The following SORCS3 variants were observed in gnomAD, a reference collection of about 807,000 sequenced individuals.
The protein encoded by SORCS3 is sortilin related VPS10 domain containing receptor 3, also known as VPS10 domain-containing receptor SorCS3.
In SORCS3, 57 loss-of-function variants were observed where a neutral mutation model predicts 146.3. That is an observed-to-expected ratio of 0.39 (90% CI 0.31 to 0.49). SORCS3 has a LOEUF of 0.49. Among genes scored for constraint, SORCS3 ranks in the 20% least tolerant of loss-of-function variants. The probability of loss-of-function intolerance (pLI) is 0.92; values close to 1 mark genes in which losing one functional copy is unlikely to be tolerated. For synonymous variants in SORCS3, 653 were observed against 618.5 expected, an observed-to-expected ratio of 1.06 and a Z score of -0.83; for missense variants, 1,341 against 1,575.5, an observed-to-expected ratio of 0.85 and a Z score of 2.52.
chr10:105,065,776 G>A (rs533508462), intron 5 of SORCS3, among the ~76,000 whole-genome samples: 2 of 152,214 alleles, frequency 1.3e-5, no homozygotes, highest in South Asian at 2.1e-4. Context: ...TGGAGCATTT[G>A]TAAAAGAGGA....
rs767130321 is a variant in SORCS3, at chr10:105,256,836, A to C, written c.3355A>C (p.Ser1119Arg). ...TTTCCAAGCTCCATTGGTGGACTCC[A>C]GTGCTGGGCACAGCAGCTCAGCCAT... The part of the protein sequence containing the change: ...QLTLAPLVDS[S>R]AGHSSSAMLM... Residue 1119 changes from serine (S) to arginine (R), a missense_variant, in exon 25 of 27, where the codon AGT becomes CGT. Coordinates refer to ENST00000369701, the MANE Select transcript of SORCS3 (RefSeq NM_014978.3). The C allele has an allele frequency of 6.2e-7, 1 of 1,614,094 alleles. No individual in the cohort carries two copies. Among genetic ancestry groups the C allele is most frequent in the South Asian group, 1.1e-5 (1 of 91,070 alleles).
chr10:105,053,827 T>C (rs1287956259), intron 5 of SORCS3, among the ~76,000 whole-genome samples: 1 of 152,084 alleles, frequency 6.6e-6, no homozygotes, highest in Non-Finnish European at 1.5e-5. Flanking sequence ...GTAAACATTA[T>C]AATGTTGTTT....
chr10:104,776,890 AC>A (rs1317713488), intron 1 of SORCS3, among the ~76,000 whole-genome samples: 10 of 151,058 alleles, frequency 6.6e-5, no homozygotes, highest in African/African-American at 2.4e-4. Flanking sequence ...AAAAAAAAAA[AC>A]CTCACAAAGC....
intron 4 of SORCS3, among the ~76,000 whole-genome samples, chr10:105,002,201 G>A (rs573264707): frequency 6.6e-6 from 1 of 152,202 alleles, no homozygotes; most frequent in Admixed American, 6.5e-5. Flanking sequence ...AAAGAGTGTC[G>A]CAGGCTGGAG....
intron 2 of SORCS3, among the ~76,000 whole-genome samples, chr10:104,912,631 A>G (rs1168066131): frequency 4.6e-5 from 7 of 152,220 alleles, no homozygotes; most frequent in African/African-American, 1.7e-4. Flanking sequence ...AATCTCATTC[A>G]TCCATTCATT....
At chr10:104,683,448 A>C (rs559084938) in intron 1 of SORCS3, among the ~76,000 whole-genome samples, 2 of 152,236 alleles carry the variant, frequency 1.3e-5, no homozygotes, top group African/African-American at 2.4e-5. Context: ...TGGCCAGCTA[A>C]GACCTATCTG....
intron 1 of SORCS3, among the ~76,000 whole-genome samples, chr10:104,760,435 A>G (rs1418549838): frequency 6.6e-6 from 1 of 152,214 alleles, no homozygotes; most frequent in East Asian, 1.9e-4. Context: ...AAGAAGCAAC[A>G]AAGAAACAAA....
intron 7 of SORCS3, among the ~76,000 whole-genome samples, chr10:105,127,747 ACAAG>A (rs1015520096): frequency 1.1e-4 from 17 of 152,142 alleles, no homozygotes; most frequent in Admixed American, 5.2e-4. Context: ...GGTAAGTGCA[ACAAG>A]CAAGCCACAA....
intron 2 of SORCS3, among the ~76,000 whole-genome samples, chr10:104,867,860 A>G (rs1044470190): frequency 6.6e-6 from 1 of 152,182 alleles, no homozygotes; most frequent in African/African-American, 2.4e-5. Context: ...TATCTGTGTA[A>G]ATCCTGTAAT....
rs545885304 is a variant in SORCS3, at chr10:104,713,940, G to C, written c.627+71986G>C. On this transcript the variant is annotated intron_variant, in intron 1 of 26. Transcript: ENST00000369701. ...TGACTCAATTTCTTTAACAGAAATA[G>C]GGATATTCAAGTTATTTATTTCTCC... Among the ~76,000 whole-genome samples the C allele has an allele frequency of 1.6e-4, 25 of 152,240 alleles. No individual in the cohort carries two copies. The South Asian group carries it at 5.2e-3, about 32-fold the overall frequency.
At chr10:105,252,639 A>G in intron 22 of SORCS3, 136 bp from the exon 23 acceptor site, 1 of 999,234 alleles carries the variant, frequency 1.0e-6, no homozygotes, top group Non-Finnish European at 1.5e-6. Context: ...GCCTGAATGT[A>G]TATTGGAGCC....
At chr10:104,791,552 T>G (rs1310775595) in intron 1 of SORCS3, among the ~76,000 whole-genome samples, 2 of 152,106 alleles carry the variant, frequency 1.3e-5, no homozygotes, top group Non-Finnish European at 2.9e-5. Context: ...ATGAGTGGAG[T>G]GTAAACTTAT....
chr10:105,068,169 A>G (rs907206427), intron 5 of SORCS3, among the ~76,000 whole-genome samples: 2 of 152,104 alleles, frequency 1.3e-5, no homozygotes, highest in African/African-American at 4.8e-5. Flanking sequence ...CCATTCCCCA[A>G]ATGTAGAAGA....
intron 2 of SORCS3, among the ~76,000 whole-genome samples, chr10:104,909,635 T>TGTC (rs10682365): frequency 0.042 from 6,316 of 152,014 alleles, 407 homozygotes; most frequent in African/African-American, 0.14. Context: ...AGGAAAGCCA[T>TGTC]GTGCTCACCC....
At chr10:105,075,801 C>T (rs1372939494) in intron 5 of SORCS3, among the ~76,000 whole-genome samples, 1 of 152,098 alleles carries the variant, frequency 6.6e-6, no homozygotes, top group Non-Finnish European at 1.5e-5. Context: ...CCCTAGTCTC[C>T]TTAAAGCTCC....
intron 1 of SORCS3, among the ~76,000 whole-genome samples, chr10:104,799,924 C>T (rs889897603): frequency 1.3e-5 from 2 of 152,050 alleles, no homozygotes; most frequent in African/African-American, 4.8e-5. Flanking sequence ...GATCTGCCCG[C>T]CTCAGCCTCT....
intron 7 of SORCS3, among the ~76,000 whole-genome samples, chr10:105,119,121 A>T (rs1182042422): frequency 7.9e-5 from 12 of 152,182 alleles, no homozygotes; most frequent in Admixed American, 7.2e-4. Flanking sequence ...TGCAGCCTGG[A>T]AACTTGGTAC....
chr10:104,823,680 C>T (rs1466980060), intron 1 of SORCS3, among the ~76,000 whole-genome samples: 1 of 152,160 alleles, frequency 6.6e-6, no homozygotes, highest in Non-Finnish European at 1.5e-5. Flanking sequence ...TTTAATGAGT[C>T]AAGTCAAAAC....
intron 8 of SORCS3, among the ~76,000 whole-genome samples, chr10:105,145,288 C>T (rs1219957444): frequency 6.6e-6 from 1 of 152,064 alleles, no homozygotes; most frequent in Non-Finnish European, 1.5e-5. Flanking sequence ...TATTTATTAG[C>T]TTTGGCAAAT....
Sources: allele counts gnomAD v4.1 joint callset (sites outside exome capture counted in the v4.1 genomes callset), GRCh38; gene constraint gnomAD v4.1.1; transcripts MANE v1.5; gene names NCBI Gene and HGNC (gene_info 2026-07-23, HGNC 2026-07-21).